MAP3K5: variants seen among roughly 807,000 people sequenced by gnomAD.
The protein encoded by MAP3K5 is mitogen-activated protein kinase kinase kinase 5, also known as ASK-1.
A neutral mutation model predicts 158.7 loss-of-function variants in MAP3K5; 56 were observed. That is an observed-to-expected ratio of 0.35 (90% confidence interval 0.28 to 0.44). The LOEUF (loss-of-function observed/expected upper bound fraction) is 0.44. MAP3K5 is among the 20% of genes least tolerant of loss of function. MAP3K5 has a pLI of 1.00. For synonymous variants in MAP3K5, 579 were observed against 601.7 expected (o/e 0.96, Z 0.55); for missense variants, 1,294 against 1,674.8 (o/e 0.77, Z 3.97).
intron 2 of MAP3K5, among the ~76,000 whole-genome samples, chr6:136,715,850 G>T (rs1486445504): frequency 6.6e-6 from 1 of 151,538 alleles, no homozygotes; most frequent in African/African-American, 2.4e-5. Context: ...GGCCAACATG[G>T]CGAAACCCCG....
chr6:136,777,784 G>T (rs879897467), intron 1 of MAP3K5, among the ~76,000 whole-genome samples: 1 of 142,514 alleles, frequency 7.0e-6, no homozygotes, highest in Non-Finnish European at 1.5e-5. Flanking sequence ...AACCTGGTTT[G>T]TTTATTTTCT....
chr6:136,628,910 G>A (rs1777174709), intron 14 of MAP3K5, among the ~76,000 whole-genome samples: 1 of 152,174 alleles, frequency 6.6e-6, no homozygotes, highest in Admixed American at 6.5e-5. Flanking sequence ...AGCCTAGAAG[G>A]ACAGAGAATC....
intron 1 of MAP3K5, among the ~76,000 whole-genome samples, chr6:136,726,910 C>T (rs1367285807): frequency 6.6e-6 from 1 of 151,994 alleles, no homozygotes. Context: ...TGGACAGTCA[C>T]GTAATCTGCA....
intron 8 of MAP3K5, among the ~76,000 whole-genome samples, chr6:136,665,409 C>G (rs1286765655): frequency 6.6e-6 from 1 of 150,452 alleles, no homozygotes; most frequent in Non-Finnish European, 1.5e-5. Context: ...TGCAGTGGCA[C>G]AATCTTGGCT....
intron 24 of MAP3K5, among the ~76,000 whole-genome samples, chr6:136,581,754 C>T (rs1410848361): frequency 6.6e-6 from 1 of 152,182 alleles, no homozygotes; most frequent in Non-Finnish European, 1.5e-5. Context: ...TCCATCCAGG[C>T]TGAGTTTGTC....
intron 8 of MAP3K5, among the ~76,000 whole-genome samples, chr6:136,660,596 T>G (rs1277160444): frequency 1.3e-5 from 2 of 152,244 alleles, no homozygotes; most frequent in Non-Finnish European, 2.9e-5. Flanking sequence ...ATGTCTTGTA[T>G]TATTTTTGCA....
At chr6:136,649,636 C>G (rs1037273430) in intron 11 of MAP3K5, among the ~76,000 whole-genome samples, 2 of 152,172 alleles carry the variant, frequency 1.3e-5, no homozygotes, top group African/African-American at 2.4e-5. Context: ...AATGATTACT[C>G]CCATGCCATT....
intron 25 of MAP3K5, 72 bp downstream of exon 25, chr6:136,580,229 G>C: frequency 9.6e-7 from 1 of 1,036,862 alleles, no homozygotes; most frequent in Non-Finnish European, 1.5e-6. Flanking sequence ...GGTGATATCA[G>C]AAATAACAGA....
intron 25 of MAP3K5, among the ~76,000 whole-genome samples, chr6:136,573,149 A>G (rs1774446193): frequency 1.3e-5 from 2 of 152,230 alleles, no homozygotes; most frequent in Admixed American, 1.3e-4. Context: ...CACTTAATAA[A>G]GAAGATGGCC....
intron 1 of MAP3K5, among the ~76,000 whole-genome samples, chr6:136,725,436 G>C (rs1372460788): frequency 4.6e-5 from 7 of 152,114 alleles, no homozygotes. Context: ...GTTTTAATTT[G>C]TATTTCCCTA....
chr6:136,752,612 A>G (rs2114928849), intron 1 of MAP3K5, among the ~76,000 whole-genome samples: 1 of 152,188 alleles, frequency 6.6e-6, no homozygotes, highest in Non-Finnish European at 1.5e-5. Context: ...GGGTTTCGCC[A>G]TTTTGGCCAG....
chr6:136,761,062 C>T (rs1408420867), intron 1 of MAP3K5, among the ~76,000 whole-genome samples: 2 of 152,102 alleles, frequency 1.3e-5, no homozygotes, highest in Non-Finnish European at 2.9e-5. Flanking sequence ...AGAGAAAAGA[C>T]AGCTATTTAT....
chr6:136,669,388 T>C lies in MAP3K5; in HGVS notation c.1261A>G (p.Lys421Glu), dbSNP rs757467261. The C allele has an allele frequency of 6.3e-7, 1 of 1,593,862 alleles. No homozygotes were observed. The highest frequency in any genetic ancestry group is 1.3e-5 in the African/African-American group (1 of 74,582). ...SRDHGASWFK[K>E]AFESEPTLQS... is the part of the protein sequence containing the mutation. ...AGTGTTGGCTCAGATTCAAATGCCTTTTTGAACCTATAAAAAACCACAAAT... is the reference window on the plus strand; with the variant it reads ...AGTGTTGGCTCAGATTCAAATGCCTCTTTGAACCTATAAAAAACCACAAAT... The change falls in exon 8 of 30, where the codon AAG (lysine) becomes GAG (glutamate). Residue 421 changes from lysine to glutamate, a missense_variant. Lys to Glu is a moderately conservative substitution (Grantham distance 56). Coordinates refer to ENST00000359015, the MANE Select transcript of MAP3K5 (RefSeq NM_005923.4).
chr6:136,742,254 G>C (rs1183917446), intron 1 of MAP3K5, among the ~76,000 whole-genome samples: 1 of 152,074 alleles, frequency 6.6e-6, no homozygotes. Context: ...TCTATAACAA[G>C]ACAGTGTGGT....
chr6:136,707,563 G>A (rs573682714), intron 2 of MAP3K5, among the ~76,000 whole-genome samples: 1 of 151,962 alleles, frequency 6.6e-6, no homozygotes, highest in East Asian at 1.9e-4. Context: ...TACTTGGGGG[G>A]GGGGGGAACC....
chr6:136,786,613 C>T (rs1250444434), intron 1 of MAP3K5, among the ~76,000 whole-genome samples: 2 of 151,892 alleles, frequency 1.3e-5, no homozygotes, highest in Non-Finnish European at 2.9e-5. Flanking sequence ...ATTAGCTTCA[C>T]CTCAGAAAGA....
intron 7 of MAP3K5, among the ~76,000 whole-genome samples, chr6:136,691,059 T>G (rs576838805): frequency 5.3e-5 from 8 of 152,194 alleles, no homozygotes; most frequent in Admixed American, 4.6e-4. Flanking sequence ...TTTCCCCTGA[T>G]GTATCTTCTT....
intron 14 of MAP3K5, chr6:136,636,708 C>T (rs919085982): frequency 1.3e-5 from 6 of 474,892 alleles, no homozygotes; most frequent in South Asian, 9.1e-5. Context: ...TTTGGGAGGC[C>T]GAGGTGGGAG....
chr6:136,598,562 C>A (rs1316854068), intron 21 of MAP3K5, among the ~76,000 whole-genome samples: 1 of 152,188 alleles, frequency 6.6e-6, no homozygotes, highest in Non-Finnish European at 1.5e-5. Flanking sequence ...TTACTTAAAT[C>A]TCTGGGTCTG....
Sources: gnomAD v4.1 joint callset for allele counts (sites outside exome capture counted in the v4.1 genomes callset) on GRCh38, gnomAD v4.1.1 for gene constraint, MANE v1.5 for transcripts, NCBI Gene and HGNC (gene_info 2026-07-23, HGNC 2026-07-21) for gene names.